PLXNA3: variants seen among roughly 807,000 people sequenced by gnomAD.
PLXNA3 encodes the protein plexin-A3.
A neutral mutation model predicts 118.8 loss-of-function variants in PLXNA3; 52 were observed. That is an observed-to-expected ratio of 0.44 (90% CI 0.35 to 0.55). The LOEUF (loss-of-function observed/expected upper bound fraction) is 0.55, where lower values mean the gene tolerates loss of function less well. Among genes scored for constraint, PLXNA3 ranks in the 20% least tolerant of loss-of-function variants. PLXNA3 has a pLI of 0.01. For synonymous variants in PLXNA3, 925 were observed against 762.4 expected, an observed-to-expected ratio of 1.21 and a Z score of -3.51; for missense variants, 1,660 against 1,730.8, an observed-to-expected ratio of 0.96 and a Z score of 0.73.
In PLXNA3 at chrX:154,464,881, C is replaced by A. The variant is rs184442319; in HGVS notation, c.2043+13C>A. On this transcript the variant is annotated intron_variant, in intron 10 of 32. Transcript: ENST00000369682. ...CCACAGCCCTGAGGTGAGGCGGGCG[C>A]CGCATGTGAGGGGCTGGGCTCTGTG... The A allele has an allele frequency of 0.011, 12,798 of 1,149,127 alleles. 63 individuals carry two copies. The highest frequency in any genetic ancestry group is 0.013 in the Non-Finnish European group (11,338 of 849,094). The allele number at this position is 1,149,127 out of a possible 1,213,427, so 94.7% of individuals were successfully genotyped here.
rs2069237398 is a variant in PLXNA3, at chrX:154,476,523, AATATT to A, written c.*3840_*3844del. 9.0e-6 allele frequency: 1 copy of A among 111,487 alleles called. No homozygotes were observed. The highest frequency in any genetic ancestry group is 1.9e-5 in the Non-Finnish European group (1 of 53,050). The allele number at this position is 111,487 out of a possible 1,213,427, so 9.2% of individuals were successfully genotyped here. On this transcript the variant is annotated 3_prime_UTR_variant, in exon 33 of 33. Transcript: ENST00000369682. ...ATTCGTCAATAATTAATGTCTAAAA[AATATT>A]AAGAAAGGAAGAAAGGAATGAGAGC...
chrX:154,463,716 G>C (rs1557205738), intron 6 of PLXNA3, 26 bp downstream of exon 6: 1 of 1,119,708 alleles, frequency 8.9e-7, no homozygotes, highest in African/African-American at 1.8e-5. Context: ...CCTGCTCGGG[G>C]AGTTGGAGGG....
rs1243451637 is a variant in PLXNA3 at position 154,475,097 on chromosome X, A to G, written c.*2412A>G. 1 of 63,367 alleles carries G rather than the reference A, an allele frequency of 1.6e-5. No homozygotes were observed. The highest frequency in any genetic ancestry group is 3.3e-5 in the Non-Finnish European group (1 of 30,521). The allele number at this position is 63,367 out of a possible 1,213,427, so 5.2% of individuals were successfully genotyped here. ...CACTGTGCCCAGCCAAGTGAGATGC[A>G]ATTTTTTTTTTTTTTTTTTTTGAGA... On this transcript the variant is annotated 3_prime_UTR_variant, in exon 33 of 33. Coordinates refer to ENST00000369682, the MANE Select transcript of PLXNA3 (RefSeq NM_017514.5).
At chrX:154,464,923 C>G in intron 10 of PLXNA3, 55 bp downstream of exon 10, 1 of 1,075,217 alleles carries the variant, frequency 9.3e-7, no homozygotes, top group South Asian at 2.0e-5. Flanking sequence ...GCGGGGCCAC[C>G]GGCTTCTATG....
At chrX:154,464,954 C>T (rs2069053090) in intron 10 of PLXNA3, 64 bp from the exon 11 acceptor site, 2 of 1,093,979 alleles carry the variant, frequency 1.8e-6, no homozygotes, top group African/African-American at 1.8e-5. Flanking sequence ...TTCTTTGAGC[C>T]TTCTCCAGGT....
At position 154,467,920 on chromosome X, in the gene PLXNA3, C is replaced by T; in HGVS notation, c.3739C>T (p.Gln1247Ter). ...GCTGGTGGCCTACAAGCGCAAGACT[C>T]AGGACGCGGACCGTACCCTCAAGCG... ...AVLVAYKRKT[Q>*]DADRTLKRLQ... The change falls in exon 21 of 33, where the codon CAG (glutamine) becomes TAG (stop). Residue 1247 changes from glutamine (Q) to a stop codon, truncating the protein, a stop_gained. Transcript: ENST00000369682. LOFTEE classifies it high-confidence loss of function. 8.3e-7 allele frequency: 1 copy of T among 1,210,733 alleles called. No homozygotes were observed. The highest frequency in any genetic ancestry group is 1.1e-6 in the Non-Finnish European group (1 of 895,200).
At chrX:154,467,524 G>A in intron 19 of PLXNA3, 21 bp from the exon 20 acceptor site, 1 of 1,166,723 alleles carries the variant, frequency 8.6e-7, no homozygotes, top group African/African-American at 1.8e-5. Flanking sequence ...GTCCTGGGCT[G>A]AAGTTGTCCT....
rs1355630665 is a variant in PLXNA3 at position 154,469,051 on chromosome X, C to G, written c.4435-5C>G. The G allele has an allele frequency of 1.3e-5, 16 of 1,210,205 alleles. No individual in the cohort carries two copies. The highest frequency in any genetic ancestry group is 6.9e-5 in the African/African-American group (4 of 57,605). ...GACTGACACTGGAGTCCGCTTTCCC[C>G]TCAGACCCTTCACTGCGTGTGTCCG... is the stretch of plus-strand genomic sequence containing the variant. On this transcript the variant is annotated splice_region_variant and splice_polypyrimidine_tract_variant and intron_variant, in intron 25 of 32. Coordinates refer to ENST00000369682, the MANE Select transcript of PLXNA3 (RefSeq NM_017514.5).
At chrX:154,465,347 A>AG (rs1481073809) in intron 11 of PLXNA3, 77 bp from the exon 12 acceptor site, 88 of 1,030,462 alleles carry the variant, frequency 8.5e-5, no homozygotes, top group Non-Finnish European at 1.2e-4. Flanking sequence ...TACCTGGAGG[A>AG]GGGGGGCAGC....
rs782449636 is a variant in PLXNA3, at chrX:154,463,611, A to T, written c.1468A>T (p.Thr490Ser). 108 of 1,199,981 alleles carry T rather than the reference A, an allele frequency of 9.0e-5. No individual in the cohort carries two copies. The highest frequency in any genetic ancestry group is 1.1e-4 in the Non-Finnish European group (102 of 891,718). The change falls in exon 6 of 33, where the codon ACC becomes TCC. Residue 490 changes from threonine (T) to serine (S), a missense_variant. Coordinates refer to ENST00000369682, the MANE Select transcript of PLXNA3 (RefSeq NM_017514.5). ...EKQVSQLPVE[T>S]CEQYQSCAAC... ...CCAGGTGAGCCAGCTCCCGGTGGAG[A>T]CCTGTGAGCAGTACCAGAGCTGCGC...
chrX:154,461,977 A>G (rs2068975128), intron 3 of PLXNA3, 151 bp from the exon 4 acceptor site: 1 of 470,686 alleles, frequency 2.1e-6, no homozygotes, highest in Non-Finnish European at 3.6e-6. Flanking sequence ...CGCAGCCACC[A>G]ATTTCCTGGA....
At position 154,470,760 on chromosome X, in the gene PLXNA3, A is replaced by G. The variant is rs1455845071; in HGVS notation, c.5156+149A>G. 1.6e-5 allele frequency: 9 copies of G among 550,732 alleles called. No individual in the cohort carries two copies. The African/African-American group carries it at 1.8e-4, about 11-fold the overall frequency. The allele number at this position is 550,732 out of a possible 1,213,427, so 45.4% of individuals were successfully genotyped here. A position where few individuals can be genotyped will look rare whatever the true frequency, so the allele number is the denominator to read the frequency against. Reference sequence around the variant, plus strand: ...GGGGTTGACACTGACGGTGCCATCAAGCCAAGGGGCCTGTTGCGTCCAGTT... The same window carrying G: ...GGGGTTGACACTGACGGTGCCATCAGGCCAAGGGGCCTGTTGCGTCCAGTT... On this transcript the variant is annotated intron_variant, in intron 30 of 32. Coordinates refer to ENST00000369682, the MANE Select transcript of PLXNA3 (RefSeq NM_017514.5).
In PLXNA3 at chrX:154,461,968, G is replaced by A. The variant is rs781800017; in HGVS notation, c.1135-160G>A. 4.6e-4 allele frequency among the ~76,000 whole-genome samples: 52 copies of A among 112,149 alleles called. No individual in the cohort carries two copies. The East Asian group carries it at 9.8e-3, about 21-fold the overall frequency. On this transcript the variant is annotated intron_variant, in intron 3 of 32. Coordinates refer to ENST00000369682, the MANE Select transcript of PLXNA3 (RefSeq NM_017514.5). ...TGCTGTCCCTCCTCTGTCTCCCTCCGCAGCCACCAATTTCCTGGAGCACCC... is the reference window on the plus strand; with the variant it reads ...TGCTGTCCCTCCTCTGTCTCCCTCCACAGCCACCAATTTCCTGGAGCACCC...
chrX:154,459,589 G>C (rs1239289403), intron 1 of PLXNA3, among the ~76,000 whole-genome samples: 1 of 112,541 alleles, frequency 8.9e-6, no homozygotes, highest in African/African-American at 3.2e-5. Context: ...GGGGAGGCCA[G>C]ACAGCGGGCT....
At chrX:154,466,293 C>T in intron 15 of PLXNA3, 23 bp downstream of exon 15, 1 of 1,209,905 alleles carries the variant, frequency 8.3e-7, no homozygotes, top group East Asian at 3.0e-5. Flanking sequence ...CGGCCCTACC[C>T]CTTCCTGTCC....
In PLXNA3 at chrX:154,475,368, T is replaced by A. The variant is rs2069230046; in HGVS notation, c.*2683T>A. On this transcript the variant is annotated 3_prime_UTR_variant, in exon 33 of 33. Coordinates refer to ENST00000369682, the MANE Select transcript of PLXNA3 (RefSeq NM_017514.5). ...CGCCCGCCTCAGCCTCCCAAAGTGC[T>A]GGGATTACAGGCATGAGCCACTGTT... 1 of 112,304 alleles carries A rather than the reference T, an allele frequency of 8.9e-6. No homozygotes were observed. Among genetic ancestry groups the A allele is most frequent in the Admixed American group, 9.4e-5 (1 of 10,605 alleles). The allele number at this position is 112,304 out of a possible 1,213,427, so 9.3% of individuals were successfully genotyped here.
Position 154,463,421 on chromosome X carries a change from C to G in PLXNA3, c.1348C>G (p.Leu450Val). The G allele has an allele frequency of 8.3e-7, 1 of 1,210,196 alleles. No individual in the cohort carries two copies. The highest frequency in any genetic ancestry group is 2.3e-4 in the Middle Eastern group (1 of 4,344). ...VRVDGFQDAH[L>V]YETVPVVDGS... is the part of the protein sequence containing the mutation. ...GGTCGATGGCTTCCAGGATGCCCAC[C>G]TGTATGAGACAGTCCCCGTGGTGGA... The change falls in exon 5 of 33, where the codon CTG becomes GTG. Residue 450 changes from leucine to valine, a missense_variant. By Grantham distance (32) the Leu-to-Val change is conservative (BLOSUM62 1). Around this residue, in one of 2 missense-constraint regions of PLXNA3, gnomAD observed 791 missense variants for 652.1 expected, o/e 1.21. Transcript: ENST00000369682.
rs782748886 is a variant in PLXNA3 at position 154,464,883 on chromosome X, G to A, written c.2043+15G>A. ...ACAGCCCTGAGGTGAGGCGGGCGCC[G>A]CATGTGAGGGGCTGGGCTCTGTGGT... On this transcript the variant is annotated intron_variant, in intron 10 of 32. Transcript: ENST00000369682. 2.0e-5 allele frequency: 23 copies of A among 1,129,112 alleles called. No homozygotes were observed. The highest frequency in any genetic ancestry group is 7.6e-5 in the South Asian group (4 of 52,365). The allele number at this position is 1,129,112 out of a possible 1,213,427, so 93.1% of individuals were successfully genotyped here. A position where few individuals can be genotyped will look rare whatever the true frequency, so the allele number is the denominator to read the frequency against.
Position 154,472,730 on chromosome X carries a change from C to T in PLXNA3, c.*45C>T. ...AGGGGGCTTCTCAGTCCTGTGCCGT[C>T]CTCCCATCCAGGGGAGTGGCTGGCT... is the stretch of plus-strand genomic sequence containing the variant. On this transcript the variant is annotated 3_prime_UTR_variant, in exon 33 of 33. Transcript: ENST00000369682. The T allele has an allele frequency of 1.0e-6, 1 of 987,665 alleles. No individual in the cohort carries two copies. Among genetic ancestry groups the T allele is most frequent in the East Asian group, 3.1e-5 (1 of 32,329 alleles). 81.4% of individuals were successfully genotyped at this position (987,665 alleles called of 1,213,427 possible). A position where few individuals can be genotyped will look rare whatever the true frequency, so the allele number is the denominator to read the frequency against.
Sources: gnomAD v4.1 joint callset for allele counts (sites outside exome capture counted in the v4.1 genomes callset) on GRCh38, gnomAD v4.1.1 for gene constraint, gnomAD v4.1.1 regional missense constraint, MANE v1.5 for transcripts, NCBI Gene and HGNC (gene_info 2026-07-23, HGNC 2026-07-21) for gene names.